Variants in ABCA13 observed in about 807,000 individuals in gnomAD.
ABCA13 encodes the protein ATP-binding cassette sub-family A member 13.
In ABCA13, 476 loss-of-function variants were observed where a neutral mutation model predicts 478.7. The ratio of observed to expected loss-of-function variants is 0.99; its 90% CI spans 0.92 to 1.07. The LOEUF (loss-of-function observed/expected upper bound fraction) is 1.07. Ranked by LOEUF, ABCA13 falls within the 50% of genes least tolerant of loss-of-function variation. The pLI is 0.00. For synonymous variants in ABCA13, 2,252 were observed against 2,158.9 expected (o/e 1.04, Z -1.20); for missense variants, 6,060 against 5,910.6 (o/e 1.03, Z -0.83).
At chr7:48,212,280 A>G (rs979565060) in intron 3 of ABCA13, among the ~76,000 whole-genome samples, 3 of 152,236 alleles carry the variant, frequency 2.0e-5, no homozygotes, top group African/African-American at 7.2e-5. Context: ...TCCCTCAAGC[A>G]CACAGAATCT....
At chr7:48,191,500 T>C (rs1797102687) in intron 1 of ABCA13, among the ~76,000 whole-genome samples, 1 of 152,112 alleles carries the variant, frequency 6.6e-6, no homozygotes, top group Non-Finnish European at 1.5e-5. Flanking sequence ...ACCTCCCGGG[T>C]TCAAGTGATT....
intron 41 of ABCA13, among the ~76,000 whole-genome samples, chr7:48,414,430 T>C (rs1819684582): frequency 6.6e-6 from 1 of 152,064 alleles, no homozygotes; most frequent in Non-Finnish European, 1.5e-5. Flanking sequence ...CTGGCACTCA[T>C]GGTTGCTTAA....
chr7:48,412,311 A>G (rs1198343101), intron 40 of ABCA13, 42 bp from the exon 41 acceptor site: 1 of 1,489,126 alleles, frequency 6.7e-7, no homozygotes, highest in Non-Finnish European at 9.2e-7. Context: ...ATATGGATTA[A>G]CATTCCTTAC....
Position 48,644,805 on chromosome 7 carries a change from A to G in ABCA13, c.15081+51A>G, listed in dbSNP as rs1586081413. 13 of 1,479,170 alleles carry G rather than the reference A, an allele frequency of 8.8e-6. 1 individual carries two copies. In the South Asian group the frequency reaches 2.0e-4, roughly 22 times the overall value. 91.6% of individuals were successfully genotyped at this position (1,479,170 alleles called of 1,614,324 possible). On this transcript the variant is annotated intron_variant, in intron 61 of 61. Coordinates refer to ENST00000435803, the MANE Select transcript of ABCA13 (RefSeq NM_152701.5). ...GGTTGAATTTTGGTCTGTTCATCAG[A>G]CCTAATGTAGCCAATTTTAAAATTA...
At chr7:48,518,074 G>A (rs571196230) in intron 52 of ABCA13, among the ~76,000 whole-genome samples, 27 of 152,260 alleles carry the variant, frequency 1.8e-4, no homozygotes, top group Non-Finnish European at 2.9e-4. Context: ...TTCAGTGATG[G>A]TAATAATCTA....
At chr7:48,198,212 AT>A in intron 2 of ABCA13, 24 bp from the exon 3 acceptor site, 5 of 1,606,378 alleles carry the variant, frequency 3.1e-6, no homozygotes, top group Non-Finnish European at 3.4e-6. Flanking sequence ...ATACGGACTC[AT>A]TTCTTCTTTG....
At chr7:48,494,318 G>A (rs1830086491) in intron 48 of ABCA13, among the ~76,000 whole-genome samples, 1 of 152,198 alleles carries the variant, frequency 6.6e-6, no homozygotes, top group Admixed American at 6.5e-5. Context: ...ATGAGCATGA[G>A]AACAGGGGAA....
intron 37 of ABCA13, 47 bp downstream of exon 37, chr7:48,389,267 A>G: frequency 6.4e-7 from 1 of 1,560,728 alleles, no homozygotes; most frequent in Non-Finnish European, 8.7e-7. Flanking sequence ...TTGATTCTTA[A>G]AACTTCAGTT....
intron 43 of ABCA13, among the ~76,000 whole-genome samples, chr7:48,464,487 G>A (rs1289087724): frequency 6.6e-6 from 1 of 152,154 alleles, no homozygotes; most frequent in East Asian, 1.9e-4. Flanking sequence ...GTGTTTTTCT[G>A]TAAACATTTA....
At chr7:48,292,988 A>G (rs1798748689) in intron 20 of ABCA13, among the ~76,000 whole-genome samples, 1 of 152,236 alleles carries the variant, frequency 6.6e-6, no homozygotes, top group African/African-American at 2.4e-5. Flanking sequence ...TCCACTCCCA[A>G]ATCACTTGGG....
intron 25 of ABCA13, 105 bp downstream of exon 25, chr7:48,313,336 A>G (rs1271391059): frequency 3.5e-6 from 4 of 1,133,558 alleles, no homozygotes; most frequent in Non-Finnish European, 4.9e-6. Context: ...TGCATTAGAC[A>G]GCAAAATACA....
At chr7:48,234,373 G>A (rs1789631949) in intron 8 of ABCA13, 3 of 598,048 alleles carry the variant, frequency 5.0e-6, no homozygotes, top group East Asian at 6.3e-5. Context: ...AGAATGGAAA[G>A]GCAGCTTAGA....
chr7:48,270,157 G>A (rs1474680514), intron 16 of ABCA13, among the ~76,000 whole-genome samples: 2 of 152,128 alleles, frequency 1.3e-5, no homozygotes, highest in African/African-American at 4.8e-5. Context: ...AACATTAAGT[G>A]CAATTTATAT....
intron 55 of ABCA13, among the ~76,000 whole-genome samples, chr7:48,540,648 G>T (rs1833884500): frequency 6.6e-6 from 1 of 151,956 alleles, no homozygotes; most frequent in Non-Finnish European, 1.5e-5. Flanking sequence ...AATATATTAA[G>T]GTATTTTTGT....
intron 48 of ABCA13, among the ~76,000 whole-genome samples, chr7:48,493,069 C>A (rs1829982490): frequency 6.6e-6 from 1 of 152,046 alleles, no homozygotes; most frequent in Admixed American, 6.6e-5. Context: ...AGAAAACAGA[C>A]TAAGACAGTC....
intron 59 of ABCA13, among the ~76,000 whole-genome samples, chr7:48,622,872 G>A (rs2131599141): frequency 6.6e-6 from 1 of 152,248 alleles, no homozygotes; most frequent in African/African-American, 2.4e-5. Context: ...AAGGTTGAGT[G>A]ACTTTTCCAG....
chr7:48,470,010 A>G (rs1256503506), intron 44 of ABCA13, among the ~76,000 whole-genome samples: 1 of 152,166 alleles, frequency 6.6e-6, no homozygotes, highest in Non-Finnish European at 1.5e-5. Flanking sequence ...CCAAACCTGA[A>G]GGACCAAATG....
chr7:48,496,365 A>G (rs1426832044), intron 48 of ABCA13, among the ~76,000 whole-genome samples: 1 of 151,842 alleles, frequency 6.6e-6, no homozygotes, highest in Non-Finnish European at 1.5e-5. Context: ...ACTTCAATTT[A>G]CTTTTACCCT....
At chr7:48,246,101 T>A in intron 13 of ABCA13, 71 bp downstream of exon 13, 1 of 1,497,788 alleles carries the variant, frequency 6.7e-7, no homozygotes, top group Non-Finnish European at 9.0e-7. Context: ...GATGCTAATA[T>A]TTAACCTGGA....
Sources: allele counts gnomAD v4.1 joint callset (sites outside exome capture counted in the v4.1 genomes callset), GRCh38; gene constraint gnomAD v4.1.1; transcripts MANE v1.5; gene names NCBI Gene and HGNC (gene_info 2026-07-23, HGNC 2026-07-21).